Variants in FGD5 observed in about 807,000 individuals in gnomAD.
FGD5 encodes the protein FYVE, RhoGEF and PH domain containing 5.
Under a neutral mutation model 133.4 loss-of-function variants are expected in FGD5, and 28 were observed. The ratio of observed to expected loss-of-function variants is 0.21; its 90% confidence interval spans 0.16 to 0.29. FGD5 has a LOEUF of 0.29. FGD5 is among the 10% of genes least tolerant of loss of function. The probability of loss-of-function intolerance (pLI) is 1.00; values close to 1 mark genes in which losing one functional copy is unlikely to be tolerated. For missense variants in FGD5, 1,858 were observed against 1,895.2 expected, an observed-to-expected ratio of 0.98 and a Z score of 0.36; for synonymous variants, 810 against 776.5, an observed-to-expected ratio of 1.04 and a Z score of -0.72.
intron 4 of FGD5, among the ~76,000 whole-genome samples, chr3:14,894,162 G>A (rs940623037): frequency 2.0e-5 from 3 of 152,108 alleles, no homozygotes; most frequent in Admixed American, 1.3e-4. Flanking sequence ...CTATCTTCAT[G>A]AGATCCACTT....
intron 11 of FGD5, among the ~76,000 whole-genome samples, chr3:14,915,264 G>C (rs2038529945): frequency 6.6e-6 from 1 of 152,218 alleles, no homozygotes; most frequent in South Asian, 2.1e-4. Flanking sequence ...CTGGAACCTT[G>C]GAGTCCTGAG....
At chr3:14,902,117 A>C (rs972315390) in intron 9 of FGD5, among the ~76,000 whole-genome samples, 8 of 151,974 alleles carry the variant, frequency 5.3e-5, no homozygotes, top group Non-Finnish European at 1.0e-4. Flanking sequence ...CCCTGTCTCT[A>C]TTAAAAATAC....
chr3:14,889,212 C>T (rs1180257627), intron 4 of FGD5, among the ~76,000 whole-genome samples: 2 of 152,172 alleles, frequency 1.3e-5, no homozygotes, highest in South Asian at 2.1e-4. Flanking sequence ...TGTTTGTACA[C>T]TTGTAACTCT....
At chr3:14,932,380 G>C (rs2038913704) in intron 18 of FGD5, 197 bp from the exon 19 acceptor site, 4 of 575,762 alleles carry the variant, frequency 6.9e-6, no homozygotes, top group Non-Finnish European at 1.2e-5. Context: ...ACCACACCCA[G>C]CCAGTGTCGT....
chr3:14,894,865 A>C (rs2038102588), intron 4 of FGD5, among the ~76,000 whole-genome samples: 1 of 152,144 alleles, frequency 6.6e-6, no homozygotes, highest in Admixed American at 6.5e-5. Flanking sequence ...CATCTTTGCC[A>C]ACATCTGTTA....
intron 1 of FGD5, among the ~76,000 whole-genome samples, chr3:14,845,336 A>G (rs772958429): frequency 8.5e-5 from 13 of 152,096 alleles, no homozygotes; most frequent in Non-Finnish European, 1.5e-4. Flanking sequence ...AGTTGAAACT[A>G]CTGAAGTTAC....
chr3:14,880,658 C>A, intron 3 of FGD5, 28 bp downstream of exon 3: 1 of 1,613,972 alleles, frequency 6.2e-7, no homozygotes, highest in East Asian at 2.2e-5. Context: ...TGCCTGTGGC[C>A]TTGAGCTTAT....
chr3:14,857,932 GA>G lies in FGD5; in HGVS notation c.2526-6184del, dbSNP rs564560618. ...CACCCCTGTTTTATAGATGAAACTG[GA>G]AAAAAAAAAAAGCTGAGACACGGAG... On this transcript the variant is annotated intron_variant, in intron 1 of 19. Transcript: ENST00000285046. Among the ~76,000 whole-genome samples the G allele has an allele frequency of 3.7e-3, 526 of 141,796 alleles. 3 individuals are homozygous for G. The highest frequency in any genetic ancestry group is 0.018 in the Middle Eastern group (5 of 282). 93.0% of individuals were successfully genotyped at this position (141,796 alleles called of 152,430 possible).
chr3:14,850,480 C>T (rs2037138115), intron 1 of FGD5, among the ~76,000 whole-genome samples: 1 of 152,000 alleles, frequency 6.6e-6, no homozygotes, highest in Non-Finnish European at 1.5e-5. Context: ...CAGCGTGAGC[C>T]AGGTACTGTG....
chr3:14,888,324 C>T (rs1358370130), intron 4 of FGD5, among the ~76,000 whole-genome samples: 4 of 152,202 alleles, frequency 2.6e-5, no homozygotes, highest in Non-Finnish European at 5.9e-5. Context: ...AGGCACACTG[C>T]TCTCTCTTAG....
Position 14,819,308 on chromosome 3 carries a change from G to C in FGD5, c.237G>C (p.Lys79Asn). 1 of 1,532,980 alleles carries C rather than the reference G, an allele frequency of 6.5e-7. No homozygotes were observed. Among genetic ancestry groups the C allele is most frequent in the Middle Eastern group, 1.7e-4 (1 of 5,902 alleles). The allele number at this position is 1,532,980 out of a possible 1,614,324, so 95.0% of individuals were successfully genotyped here. A position where few individuals can be genotyped will look rare whatever the true frequency, so the allele number is the denominator to read the frequency against. The change falls in exon 1 of 20, where the codon AAG (lysine) becomes AAC (asparagine). Residue 79 changes from lysine (K) to asparagine (N), a missense_variant. By Grantham distance (94) the Lys-to-Asn change is moderately conservative. This residue lies in a region of FGD5 where 1,824 missense variants were observed against 1,848.9 expected (regional missense o/e 0.99). Transcript: ENST00000285046. The surrounding 1 kb of genome is among the most constrained non-coding windows in gnomAD (Gnocchi z 4.1). ...PRVPLREDEP[K>N]DEGSVGNKAL... ...TTCCGCTGAGGGAGGATGAACCCAA[G>C]GACGAGGGCAGTGTGGGGAACAAAG...
At chr3:14,865,061 G>A (rs960448761) in intron 2 of FGD5, among the ~76,000 whole-genome samples, 1 of 152,202 alleles carries the variant, frequency 6.6e-6, no homozygotes, top group African/African-American at 2.4e-5. Flanking sequence ...CATTTGTTCT[G>A]CGGGGGACAC....
At chr3:14,913,752 C>T (rs1234662923) in intron 11 of FGD5, among the ~76,000 whole-genome samples, 1 of 152,194 alleles carries the variant, frequency 6.6e-6, no homozygotes, top group Non-Finnish European at 1.5e-5. Flanking sequence ...AATCTGTCCT[C>T]ACCTCGTCCT....
intron 4 of FGD5, among the ~76,000 whole-genome samples, chr3:14,885,213 G>T (rs2037901973): frequency 6.6e-6 from 1 of 151,740 alleles, no homozygotes; most frequent in African/African-American, 2.4e-5. Flanking sequence ...TGGAAGAAGG[G>T]GTCAGGGGGC....
In FGD5 at chr3:14,912,612, G is replaced by T. The variant is rs550925059; in HGVS notation, c.3405+1683G>T. Among the ~76,000 whole-genome samples the T allele has an allele frequency of 3.9e-5, 6 of 152,256 alleles. No homozygotes were observed. In the East Asian group the frequency reaches 1.2e-3, roughly 29 times the overall value. On this transcript the variant is annotated intron_variant, in intron 11 of 19. Coordinates refer to ENST00000285046, the MANE Select transcript of FGD5 (RefSeq NM_152536.4). ...GCCTGCTGTAACATTCATTCATTCT[G>T]CAGCTTATTATCCATCTCCTCTGCA... is the stretch of plus-strand genomic sequence containing the variant.
chr3:14,910,023 C>G (rs2038417427), intron 10 of FGD5, among the ~76,000 whole-genome samples: 1 of 151,940 alleles, frequency 6.6e-6, no homozygotes. Context: ...CTCAGCCTCC[C>G]AAAGTGCTGG....
chr3:14,854,389 T>TTTATTTA (rs1553625405), intron 1 of FGD5, among the ~76,000 whole-genome samples: 1 of 137,560 alleles, frequency 7.3e-6, no homozygotes, highest in East Asian at 2.2e-4. Context: ...TTTCTTTTCT[T>TTTATTTA]TTTATTTATT....
At chr3:14,812,069 A>G (rs2036304270) in intron 1 of FGD5, among the ~76,000 whole-genome samples, 1 of 151,720 alleles carries the variant, frequency 6.6e-6, no homozygotes, top group South Asian at 2.1e-4. Flanking sequence ...TTTCTTTTAA[A>G]AATCTTTTTA....
At chr3:14,894,154 A>G (rs928707482) in intron 4 of FGD5, among the ~76,000 whole-genome samples, 30 of 152,072 alleles carry the variant, frequency 2.0e-4, no homozygotes, top group African/African-American at 6.3e-4. Flanking sequence ...CCTACTTTCT[A>G]TCTTCATGAG....
Sources: allele counts gnomAD v4.1 joint callset (sites outside exome capture counted in the v4.1 genomes callset), GRCh38; gene constraint gnomAD v4.1.1; regional missense constraint gnomAD v4.1.1; non-coding constraint Gnocchi (gnomAD v3.1); transcripts MANE v1.5; gene names NCBI Gene and HGNC (gene_info 2026-07-23, HGNC 2026-07-21).